Variants in SNRPB2 observed in about 807,000 individuals in gnomAD.
SNRPB2 encodes the protein small nuclear ribonucleoprotein polypeptide B2, also known as U2 small nuclear ribonucleoprotein B''.
SNRPB2 carries 16 observed loss-of-function variants against 26.3 expected under a neutral mutation model. That is an observed-to-expected ratio of 0.61 (90% confidence interval 0.41 to 0.92). SNRPB2 has a LOEUF of 0.92. Among genes scored for constraint, SNRPB2 ranks in the 40% least tolerant of loss-of-function variants. SNRPB2 has a pLI of 0.00. For missense variants in SNRPB2, 179 were observed against 268.1 expected, an observed-to-expected ratio of 0.67 and a Z score of 2.32; for synonymous variants, 75 against 89.0, an observed-to-expected ratio of 0.84 and a Z score of 0.88.
At chr20:16,731,909 A>T in intron 2 of SNRPB2, 143 bp downstream of exon 2, 1 of 1,390,768 alleles carries the variant, frequency 7.2e-7, no homozygotes, top group Non-Finnish European at 9.6e-7. Flanking sequence ...AGGGATTTGA[A>T]GGCTTTTAAA....
chr20:16,731,292 A>T (rs1454493147), intron 1 of SNRPB2, among the ~76,000 whole-genome samples: 1 of 152,238 alleles, frequency 6.6e-6, no homozygotes, highest in Non-Finnish European at 1.5e-5. Context: ...GTCTAACCTT[A>T]TGATTTTTAC....
intron 3 of SNRPB2, 185 bp downstream of exon 3, chr20:16,732,521 A>G (rs916318285): frequency 1.9e-5 from 8 of 425,888 alleles, no homozygotes; most frequent in African/African-American, 1.4e-4. Flanking sequence ...CAGATGGGCA[A>G]AAACAAAATA....
chr20:16,737,522 G>A, intron 4 of SNRPB2, 121 bp downstream of exon 4: 1 of 891,034 alleles, frequency 1.1e-6, no homozygotes, highest in Non-Finnish European at 1.6e-6. Context: ...GTGTTTAAAA[G>A]GTGGTTTTAA....
intron 3 of SNRPB2, among the ~76,000 whole-genome samples, chr20:16,733,807 C>T (rs138433261): frequency 6.6e-6 from 1 of 152,278 alleles, no homozygotes; most frequent in East Asian, 1.9e-4. Context: ...ATCCTCTATC[C>T]AGCTCTCCTT....
intron 3 of SNRPB2, among the ~76,000 whole-genome samples, chr20:16,736,185 C>CAA (rs907572690): frequency 6.6e-6 from 1 of 152,074 alleles, no homozygotes; most frequent in Non-Finnish European, 1.5e-5. Flanking sequence ...AGATGAATCT[C>CAA]AAAGACATTA....
chr20:16,735,426 A>G (rs2072418985), intron 3 of SNRPB2, among the ~76,000 whole-genome samples: 1 of 151,444 alleles, frequency 6.6e-6, no homozygotes, highest in Admixed American at 6.6e-5. Context: ...GATTGCAGAT[A>G]GTCCTACCTA....
chr20:16,740,182 G>A, intron 5 of SNRPB2, 143 bp from the exon 6 acceptor site: 3 of 1,422,004 alleles, frequency 2.1e-6, no homozygotes, highest in Non-Finnish European at 2.8e-6. Context: ...TGTCTGCCTT[G>A]CTTAGTTACT....
At chr20:16,730,801 T>C (rs1422858207) in intron 1 of SNRPB2, 2 of 152,140 alleles carry the variant, frequency 1.3e-5, no homozygotes, top group Admixed American at 6.5e-5. Context: ...AAAAATGCAA[T>C]AGTGTGGTAT....
In SNRPB2 at chr20:16,742,355, C is replaced by G. The variant is rs2072468509; in HGVS notation, c.*1350C>G. 1 of 152,080 alleles carries G rather than the reference C, an allele frequency of 6.6e-6. No homozygotes were observed. The highest frequency in any genetic ancestry group is 1.5e-5 in the Non-Finnish European group (1 of 68,018). 9.4% of individuals were successfully genotyped at this position (152,080 alleles called of 1,614,324 possible). ...TCACAGACTGATCCCATGCCCAGTCCTGGCCATGCTTTGAGTGGCTGTATT... is the reference window on the plus strand; with the variant it reads ...TCACAGACTGATCCCATGCCCAGTCGTGGCCATGCTTTGAGTGGCTGTATT... On this transcript the variant is annotated 3_prime_UTR_variant, in exon 7 of 7. Transcript: ENST00000246071.
At chr20:16,740,798 A>G (rs897546263) in intron 6 of SNRPB2, 48 bp from the exon 7 acceptor site, 4 of 1,419,800 alleles carry the variant, frequency 2.8e-6, no homozygotes, top group East Asian at 4.6e-5. Flanking sequence ...ACACAAAGCA[A>G]ACATTTATGT....
rs1025115922 is a variant in SNRPB2 at position 16,742,440 on chromosome 20, G to A, written c.*1435G>A. The A allele has an allele frequency of 1.3e-5, 2 of 152,114 alleles. No homozygotes were observed. Among genetic ancestry groups the A allele is most frequent in the African/African-American group, 4.8e-5 (2 of 41,404 alleles). 9.4% of individuals were successfully genotyped at this position (152,114 alleles called of 1,614,324 possible). ...AGAATGAGGGGGGTGAATAGTAAGA[G>A]GGGTCGTGTAGGTCTTCTTCAGGAT... On this transcript the variant is annotated 3_prime_UTR_variant, in exon 7 of 7. Coordinates refer to ENST00000246071, the MANE Select transcript of SNRPB2 (RefSeq NM_003092.5).
rs777473630 is a variant in SNRPB2 at position 16,733,703 on chromosome 20, C to T, written c.237+1367C>T. ...CCCAGATGAGAACAGGCAGTGTTGG[C>T]TACAGACAGTAGTTTGAGGACCCCT... On this transcript the variant is annotated intron_variant, in intron 3 of 6. Coordinates refer to ENST00000246071, the MANE Select transcript of SNRPB2 (RefSeq NM_003092.5). Among the ~76,000 whole-genome samples, 48 of 152,218 alleles carry T rather than the reference C, an allele frequency of 3.2e-4. 2 individuals carry two copies. The highest frequency in any genetic ancestry group is 2.9e-5 in the Non-Finnish European group (2 of 68,040).
At chr20:16,739,491 G>A (rs1462023893) in intron 5 of SNRPB2, among the ~76,000 whole-genome samples, 2 of 151,934 alleles carry the variant, frequency 1.3e-5, no homozygotes, top group African/African-American at 2.4e-5. Flanking sequence ...TCCAGATGGC[G>A]GGGTCTGGCA....
At position 16,741,250 on chromosome 20, in the gene SNRPB2, C is replaced by T. The variant is rs1244482260; in HGVS notation, c.*245C>T. On this transcript the variant is annotated 3_prime_UTR_variant, in exon 7 of 7. Coordinates refer to ENST00000246071, the MANE Select transcript of SNRPB2 (RefSeq NM_003092.5). ...ATGCTTTCTTGATTGACCCATCTCC[C>T]TATCATCAAATGACTTCTAGTCTAG... 4 of 302,758 alleles carry T rather than the reference C, an allele frequency of 1.3e-5. No individual in the cohort carries two copies. The highest frequency in any genetic ancestry group is 2.4e-5 in the Non-Finnish European group (4 of 164,564). 18.8% of individuals were successfully genotyped at this position (302,758 alleles called of 1,614,324 possible).
At chr20:16,731,354 ATTAT>A (rs1020656167) in intron 1 of SNRPB2, among the ~76,000 whole-genome samples, 10 of 152,238 alleles carry the variant, frequency 6.6e-5, no homozygotes, top group African/African-American at 2.4e-4. Flanking sequence ...ACATTTTAAA[ATTAT>A]TTCATTGAGG....
chr20:16,731,975 T>C (rs1476241364), intron 2 of SNRPB2, among the ~76,000 whole-genome samples, 189 bp from the exon 3 acceptor site: 1 of 152,160 alleles, frequency 6.6e-6, no homozygotes, highest in Non-Finnish European at 1.5e-5. Context: ...CTCATAGATA[T>C]AATGGTTTCA....
chr20:16,740,602 T>G (rs2072456924), intron 6 of SNRPB2, among the ~76,000 whole-genome samples, 189 bp downstream of exon 6: 1 of 152,240 alleles, frequency 6.6e-6, no homozygotes, highest in African/African-American at 2.4e-5. Flanking sequence ...CCTCTAATGT[T>G]TGAATTCTTA....
intron 1 of SNRPB2, chr20:16,730,784 C>T (rs1413546288): frequency 1.3e-5 from 2 of 152,202 alleles, no homozygotes; most frequent in African/African-American, 4.8e-5. Context: ...CAAGTAAAAA[C>T]CATGTAAAAA....
At chr20:16,740,825 A>C (rs1168889043) in intron 6 of SNRPB2, 21 bp from the exon 7 acceptor site, 1 of 1,580,890 alleles carries the variant, frequency 6.3e-7, no homozygotes, top group South Asian at 1.1e-5. Context: ...TGTATACATG[A>C]ATTGTTTTTC....
Sources: allele counts gnomAD v4.1 joint callset (sites outside exome capture counted in the v4.1 genomes callset), GRCh38; gene constraint gnomAD v4.1.1; transcripts MANE v1.5; gene names NCBI Gene and HGNC (gene_info 2026-07-23, HGNC 2026-07-21).